NCAM1: variants seen among roughly 807,000 people sequenced by gnomAD.
The protein encoded by NCAM1 is antigen recognized by monoclonal antibody 5.1H11.
In NCAM1, 14 loss-of-function variants were observed where a neutral mutation model predicts 109.8. That is an observed-to-expected ratio of 0.13 (90% CI 0.08 to 0.20). NCAM1 has a LOEUF of 0.20. NCAM1 is among the 10% of genes least tolerant of loss of function. The pLI is 1.00. For missense variants in NCAM1, 774 were observed against 1,109.9 expected (o/e 0.70, Z 4.30); for synonymous variants, 418 against 442.9 (o/e 0.94, Z 0.70).
chr11:113,262,814 A>C (rs782043815), intron 17 of NCAM1: 1 of 1,611,152 alleles, frequency 6.2e-7, no homozygotes, highest in Non-Finnish European at 8.5e-7. Context: ...CAACCACATT[A>C]TCTCTGGGGA....
intron 1 of NCAM1, among the ~76,000 whole-genome samples, chr11:112,968,593 C>T (rs1950788128): frequency 6.6e-6 from 1 of 152,182 alleles, no homozygotes; most frequent in African/African-American, 2.4e-5. Flanking sequence ...CAGCGGTGAA[C>T]TAAACGTACA....
intron 15 of NCAM1, among the ~76,000 whole-genome samples, chr11:113,249,988 C>T (rs570556947): frequency 1.2e-4 from 18 of 152,150 alleles, no homozygotes; most frequent in South Asian, 2.1e-4. Context: ...AGCTGGGAAC[C>T]GGCCGTGCCC....
chr11:113,141,319 G>C (rs1042768304), intron 1 of NCAM1, among the ~76,000 whole-genome samples: 20 of 152,132 alleles, frequency 1.3e-4, no homozygotes, highest in African/African-American at 4.8e-4. Flanking sequence ...GTATCGCTGT[G>C]AGTCAGGGCA....
chr11:113,233,328 C>T lies in NCAM1; in HGVS notation c.1693+11C>T, dbSNP rs372997976. Reference sequence around the variant, plus strand: ...ATGATGCCAAGGAAGGTGAGTTGGGCGAGTTGGTGTTTCCATTGGGATCAT... The same window carrying T: ...ATGATGCCAAGGAAGGTGAGTTGGGTGAGTTGGTGTTTCCATTGGGATCAT... On this transcript the variant is annotated intron_variant, in intron 13 of 19. Coordinates refer to ENST00000316851, the MANE Select transcript of NCAM1 (RefSeq NM_181351.5). The surrounding 1 kb of genome is among the most constrained non-coding windows in gnomAD (Gnocchi z 4.5). 87 of 1,608,814 alleles carry T rather than the reference C, an allele frequency of 5.4e-5. No individual in the cohort carries two copies. The highest frequency in any genetic ancestry group is 6.6e-5 in the Non-Finnish European group (78 of 1,177,448).
intron 16 of NCAM1, among the ~76,000 whole-genome samples, chr11:113,256,715 C>T (rs538929082): frequency 1.3e-5 from 2 of 152,300 alleles, no homozygotes; most frequent in East Asian, 3.9e-4. Context: ...CCTCATTCCA[C>T]CTTTTATCAC....
intron 1 of NCAM1, among the ~76,000 whole-genome samples, chr11:113,018,283 A>G (rs548005501): frequency 9.9e-5 from 15 of 151,886 alleles, no homozygotes; most frequent in African/African-American, 3.4e-4. Flanking sequence ...TGTAACAGCC[A>G]TGCCATTTCT....
intron 1 of NCAM1, among the ~76,000 whole-genome samples, chr11:113,110,457 T>G: frequency 6.6e-6 from 1 of 152,352 alleles, no homozygotes; most frequent in Middle Eastern, 3.4e-3. Flanking sequence ...TTGATTATCC[T>G]CATCTCCCCT....
chr11:113,043,494 G>A (rs141292490), intron 1 of NCAM1, among the ~76,000 whole-genome samples: 4 of 152,088 alleles, frequency 2.6e-5, no homozygotes, highest in African/African-American at 7.2e-5. Flanking sequence ...GTGCCACCAC[G>A]CCCAGCTAAT....
At chr11:113,160,264 C>G (rs1942557289) in intron 1 of NCAM1, among the ~76,000 whole-genome samples, 1 of 152,178 alleles carries the variant, frequency 6.6e-6, no homozygotes, top group South Asian at 2.1e-4. Context: ...TTGGAGTTGA[C>G]AGCATGAATG....
At chr11:113,201,934 G>A (rs781831099) in intron 1 of NCAM1, among the ~76,000 whole-genome samples, 4 of 152,232 alleles carry the variant, frequency 2.6e-5, no homozygotes, top group South Asian at 2.1e-4. Flanking sequence ...CTGGAGTGCA[G>A]CCTTACTGCA....
chr11:113,157,080 C>G (rs1167917056), intron 1 of NCAM1, among the ~76,000 whole-genome samples: 1 of 151,764 alleles, frequency 6.6e-6, no homozygotes, highest in Non-Finnish European at 1.5e-5. Context: ...ATATATATTG[C>G]AAGGTCACCC....
At chr11:113,116,027 GT>G (rs1213744179) in intron 1 of NCAM1, among the ~76,000 whole-genome samples, 1 of 152,084 alleles carries the variant, frequency 6.6e-6, no homozygotes, top group Non-Finnish European at 1.5e-5. Flanking sequence ...ATAGACACAG[GT>G]TTACGGCAAA....
chr11:113,051,861 A>C (rs1953506454), intron 1 of NCAM1, among the ~76,000 whole-genome samples: 1 of 152,244 alleles, frequency 6.6e-6, no homozygotes, highest in Admixed American at 6.5e-5. Flanking sequence ...AGTCTAAATT[A>C]ATTCATATAA....
chr11:112,969,357 C>T (rs10891484), intron 1 of NCAM1, among the ~76,000 whole-genome samples: 18,043 of 152,128 alleles, frequency 0.12, 1,223 homozygotes, highest in East Asian at 0.32. Flanking sequence ...CTGCAACTTA[C>T]GTTCGTTGTC....
intron 1 of NCAM1, 135 bp from the exon 2 acceptor site, chr11:113,202,244 T>A: frequency 1.1e-6 from 1 of 900,408 alleles, no homozygotes. Flanking sequence ...CACTCTTTCT[T>A]AAAGTCAGTT....
intron 1 of NCAM1, among the ~76,000 whole-genome samples, chr11:113,199,096 G>A (rs959428913): frequency 2.0e-5 from 3 of 152,186 alleles, no homozygotes; most frequent in East Asian, 1.9e-4. Context: ...TCATAAGCAC[G>A]TGTCTTTGAA....
In NCAM1 at chr11:113,126,271, G is replaced by A. The variant is rs151012650; in HGVS notation, c.53-76108G>A. On this transcript the variant is annotated intron_variant, in intron 1 of 19. Coordinates refer to ENST00000316851, the MANE Select transcript of NCAM1 (RefSeq NM_181351.5). ...AGTAAATAGCTGCCATTTATTCAGT[G>A]CCTCCCATGTGGCAGGCCCTGTGCT... is the stretch of plus-strand genomic sequence containing the variant. 1.6e-3 allele frequency among the ~76,000 whole-genome samples: 249 copies of A among 152,138 alleles called. 2 individuals carry two copies. The East Asian group carries it at 0.04, about 25-fold the overall frequency.
At chr11:113,138,726 C>CTTTTTT (rs1456034853) in intron 1 of NCAM1, among the ~76,000 whole-genome samples, 3 of 152,166 alleles carry the variant, frequency 2.0e-5, no homozygotes, top group African/African-American at 7.2e-5. Flanking sequence ...AAAAAATGAC[C>CTTTTTT]TGCTTTCTTG....
At chr11:113,251,605 G>T (rs578240379) in intron 15 of NCAM1, among the ~76,000 whole-genome samples, 1 of 152,156 alleles carries the variant, frequency 6.6e-6, no homozygotes, top group Non-Finnish European at 1.5e-5. Flanking sequence ...CGTTGGTGTA[G>T]TCTTTACATA....
Sources: allele counts gnomAD v4.1 joint callset (sites outside exome capture counted in the v4.1 genomes callset), GRCh38; gene constraint gnomAD v4.1.1; non-coding constraint Gnocchi (gnomAD v3.1); transcripts MANE v1.5; gene names NCBI Gene and HGNC (gene_info 2026-07-23, HGNC 2026-07-21).